B3GLCT: variants seen among roughly 807,000 people sequenced by gnomAD.
B3GLCT encodes the protein beta-1,3-glucosyltransferase.
In B3GLCT, 65 loss-of-function variants were observed where a neutral mutation model predicts 63.4. That is an observed-to-expected ratio of 1.03 (90% CI 0.84 to 1.26). B3GLCT has a LOEUF of 1.26. B3GLCT is among the 50% of genes most tolerant of loss of function. The pLI is 0.00. For synonymous variants in B3GLCT, 233 were observed against 219.2 expected (o/e 1.06, Z -0.55); for missense variants, 577 against 604.8 (o/e 0.95, Z 0.48).
intron 8 of B3GLCT, among the ~76,000 whole-genome samples, chr13:31,272,726 A>C (rs1872625808): frequency 6.6e-6 from 1 of 151,842 alleles, no homozygotes; most frequent in Admixed American, 6.6e-5. Flanking sequence ...TGATTATCCC[A>C]CTCCCAACTT....
intron 3 of B3GLCT, among the ~76,000 whole-genome samples, chr13:31,224,645 T>G (rs1473516800): frequency 2.0e-5 from 3 of 152,130 alleles, no homozygotes; most frequent in African/African-American, 4.8e-5. Context: ...TCCTTCAGCT[T>G]GCTGCCTAAT....
chr13:31,287,877 G>A (rs2137883126), intron 12 of B3GLCT, among the ~76,000 whole-genome samples: 1 of 152,268 alleles, frequency 6.6e-6, no homozygotes, highest in Admixed American at 6.5e-5. Flanking sequence ...CACTGGATGG[G>A]TTTAATAGCA....
intron 6 of B3GLCT, among the ~76,000 whole-genome samples, chr13:31,249,063 G>T (rs76719545): frequency 0.017 from 2,583 of 152,204 alleles, 66 homozygotes; most frequent in African/African-American, 0.058. Flanking sequence ...ACCCACCTTC[G>T]AATGCTCGCT....
chr13:31,239,751 C>T lies in B3GLCT; in HGVS notation c.271-7272C>T, dbSNP rs532854196. On this transcript the variant is annotated intron_variant, in intron 4 of 14. Transcript: ENST00000343307. ...CAAGCGGATCCCATGCTGAAACAAT[C>T]TTTCCTGTAGTTTCAAAAGCATATT... Among the ~76,000 whole-genome samples, 78 of 149,284 alleles carry T rather than the reference C, an allele frequency of 5.2e-4. 1 individual carries two copies. In the South Asian group the frequency reaches 0.017, roughly 32 times the overall value.
At chr13:31,297,378 T>G (rs1041890146) in intron 12 of B3GLCT, among the ~76,000 whole-genome samples, 2 of 144,912 alleles carry the variant, frequency 1.4e-5, no homozygotes, top group Non-Finnish European at 3.0e-5. Context: ...TTTCTGGGTT[T>G]TTTTTTTTTT....
At chr13:31,226,024 G>GAGAT (rs1223992212) in intron 3 of B3GLCT, among the ~76,000 whole-genome samples, 3 of 152,212 alleles carry the variant, frequency 2.0e-5, no homozygotes, top group African/African-American at 7.2e-5. Flanking sequence ...GGAGACTGCA[G>GAGAT]AGATACCACA....
chr13:31,212,817 AT>A (rs1869339265), intron 1 of B3GLCT, among the ~76,000 whole-genome samples: 1 of 152,234 alleles, frequency 6.6e-6, no homozygotes, highest in African/African-American at 2.4e-5. Context: ...GTGCTAAGAT[AT>A]GTTAACATGT....
chr13:31,284,304 G>A (rs1296673721), intron 10 of B3GLCT, among the ~76,000 whole-genome samples: 1 of 152,114 alleles, frequency 6.6e-6, no homozygotes. Context: ...AAGAGGGATG[G>A]ATTTTCTCTT....
chr13:31,272,379 T>G (rs901796936), intron 8 of B3GLCT, among the ~76,000 whole-genome samples: 1 of 151,828 alleles, frequency 6.6e-6, no homozygotes, highest in African/African-American at 2.4e-5. Flanking sequence ...CATGCCCGGC[T>G]AATTTTTTTT....
intron 2 of B3GLCT, among the ~76,000 whole-genome samples, chr13:31,222,265 G>A (rs1049969626): frequency 5.3e-5 from 8 of 151,854 alleles, no homozygotes; most frequent in Non-Finnish European, 1.0e-4. Context: ...TTTTAGTAGC[G>A]GTGGGGTTTT....
chr13:31,279,074 C>T (rs1328473713), intron 10 of B3GLCT, among the ~76,000 whole-genome samples: 3 of 152,118 alleles, frequency 2.0e-5, no homozygotes, highest in Non-Finnish European at 4.4e-5. Context: ...ATAGTCTTTG[C>T]TATTCATGTT....
intron 4 of B3GLCT, among the ~76,000 whole-genome samples, chr13:31,243,324 T>G (rs1296980609): frequency 1.3e-5 from 2 of 152,200 alleles, no homozygotes; most frequent in Non-Finnish European, 2.9e-5. Context: ...TACTGGCAAA[T>G]AGTCTGTTGA....
intron 12 of B3GLCT, among the ~76,000 whole-genome samples, chr13:31,299,444 C>T (rs1874119392): frequency 6.6e-6 from 1 of 152,054 alleles, no homozygotes; most frequent in Non-Finnish European, 1.5e-5. Context: ...AAGCAAAAGC[C>T]ATGCCAGAGT....
At chr13:31,259,438 G>A (rs896519219) in intron 6 of B3GLCT, among the ~76,000 whole-genome samples, 21 of 151,942 alleles carry the variant, frequency 1.4e-4, no homozygotes, top group Non-Finnish European at 2.8e-4. Context: ...GAGCCATTTT[G>A]TCCTGGCAGT....
At chr13:31,264,081 C>T (rs1029019895) in intron 7 of B3GLCT, among the ~76,000 whole-genome samples, 3 of 151,988 alleles carry the variant, frequency 2.0e-5, no homozygotes, top group African/African-American at 4.8e-5. Flanking sequence ...GGAGAAGGGA[C>T]GAGGGGTCTT....
At chr13:31,292,266 T>C (rs1299777173) in intron 12 of B3GLCT, among the ~76,000 whole-genome samples, 1 of 152,078 alleles carries the variant, frequency 6.6e-6, no homozygotes, top group African/African-American at 2.4e-5. Flanking sequence ...GATATTGGTC[T>C]GAAATTTTTT....
intron 4 of B3GLCT, among the ~76,000 whole-genome samples, chr13:31,244,346 G>GCCA (rs2137800307): frequency 6.6e-6 from 1 of 152,218 alleles, no homozygotes; most frequent in Admixed American, 6.5e-5. Flanking sequence ...ACAAAAATTA[G>GCCA]CCAGGCGTGG....
At chr13:31,300,588 T>A (rs1874174085) in intron 12 of B3GLCT, among the ~76,000 whole-genome samples, 1 of 152,088 alleles carries the variant, frequency 6.6e-6, no homozygotes, top group Non-Finnish European at 1.5e-5. Context: ...AATGAAGTCC[T>A]AGGGATGTGG....
At chr13:31,277,599 C>G (rs1872860403) in intron 10 of B3GLCT, among the ~76,000 whole-genome samples, 1 of 152,056 alleles carries the variant, frequency 6.6e-6, no homozygotes, top group Non-Finnish European at 1.5e-5. Flanking sequence ...AACCAACTGT[C>G]ATTTTCATGG....
Sources: gnomAD v4.1 joint callset for allele counts (sites outside exome capture counted in the v4.1 genomes callset) on GRCh38, gnomAD v4.1.1 for gene constraint, MANE v1.5 for transcripts, NCBI Gene and HGNC (gene_info 2026-07-23, HGNC 2026-07-21) for gene names.